Variants in MAGEC3 observed in about 807,000 individuals in gnomAD.
MAGEC3 encodes the protein MAGE family member C3, also known as melanoma-associated antigen C3.
MAGEC3 carries 34 observed loss-of-function variants against 35.3 expected under a neutral mutation model. The ratio of observed to expected loss-of-function variants is 0.96; its 90% CI spans 0.73 to 1.28. The LOEUF is 1.28. Ranked by LOEUF, MAGEC3 falls within the 50% of genes most tolerant of loss-of-function variation. The pLI is 0.00. For missense variants in MAGEC3, 561 were observed against 483.6 expected, an observed-to-expected ratio of 1.16 and a Z score of -1.50; for synonymous variants, 202 against 185.6, an observed-to-expected ratio of 1.09 and a Z score of -0.72.
intron 4 of MAGEC3, among the ~76,000 whole-genome samples, chrX:141,891,062 A>G (rs906922975): frequency 8.9e-6 from 1 of 111,860 alleles, no homozygotes; most frequent in African/African-American, 3.3e-5. Context: ...CAAGATGTTG[A>G]CTGGTTTGAA....
At position 141,859,123 on chromosome X, in the gene MAGEC3, A is replaced by G. The variant is rs766594118; in HGVS notation, c.124-6348A>G. ...CTTCCAAGACATCCTCGGGAACCCT[A>G]GAGCATTTTGTACCTATGAGACAGA... On this transcript the variant is annotated intron_variant, in intron 1 of 7. Transcript: ENST00000298296. 1.6e-4 allele frequency among the ~76,000 whole-genome samples: 17 copies of G among 108,370 alleles called. No homozygotes were observed. In the East Asian group the frequency reaches 5.0e-3, roughly 32 times the overall value. 94.1% of individuals were successfully genotyped at this position (108,370 alleles called of 115,157 possible).
chrX:141,896,787 C>T, intron 6 of MAGEC3, 95 bp from the exon 7 acceptor site: 1 of 1,208,610 alleles, frequency 8.3e-7, no homozygotes, highest in African/African-American at 1.7e-5. Flanking sequence ...CTTCCTCTTC[C>T]TCTTTCCACT....
chrX:141,865,402 G>A, intron 1 of MAGEC3, 69 bp from the exon 2 acceptor site: 2 of 1,057,555 alleles, frequency 1.9e-6, no homozygotes, highest in Non-Finnish European at 2.5e-6. Context: ...AAGAAGAATA[G>A]AGTAGATCTT....
chrX:141,865,576 A>G lies in MAGEC3; in HGVS notation c.229A>G (p.Ser77Gly), dbSNP rs1270480594. 1.7e-6 allele frequency: 2 copies of G among 1,205,804 alleles called. No individual in the cohort carries two copies. Among genetic ancestry groups the G allele is most frequent in the Non-Finnish European group, 2.2e-6 (2 of 893,266 alleles). The change falls in exon 2 of 8, where the codon AGT (serine) becomes GGT (glycine). Residue 77 changes from serine to glycine, a missense_variant. Physicochemically the swap from Ser to Gly is moderately conservative, Grantham distance 56. Transcript: ENST00000298296. ...RGGTSDQRMD[S>G]LVLCPTYFKL... ...TGGAACTTCAGATCAGCGAATGGAT[A>G]GTCTTGTCCTCTGCCCCACATACTT...
chrX:141,873,214 G>A (rs2124108516), intron 2 of MAGEC3, among the ~76,000 whole-genome samples: 1 of 111,279 alleles, frequency 9.0e-6, no homozygotes, highest in Admixed American at 9.5e-5. Flanking sequence ...GTGTTTCTTT[G>A]TTGTGCTTAT....
At chrX:141,890,895 G>A (rs756504779) in intron 4 of MAGEC3, among the ~76,000 whole-genome samples, 10 of 111,820 alleles carry the variant, frequency 8.9e-5, no homozygotes, top group African/African-American at 3.2e-4. Flanking sequence ...TTGTGATGTG[G>A]AACTGCAAGG....
chrX:141,853,150 G>A (rs2017761094), intron 1 of MAGEC3, among the ~76,000 whole-genome samples: 1 of 111,074 alleles, frequency 9.0e-6, no homozygotes, highest in Non-Finnish European at 1.9e-5. Flanking sequence ...TGTGGTATGT[G>A]GTATGCTGAC....
chrX:141,892,010 C>A (rs972940486), intron 4 of MAGEC3, among the ~76,000 whole-genome samples: 1 of 110,327 alleles, frequency 9.1e-6, no homozygotes, highest in African/African-American at 3.3e-5. Flanking sequence ...ATGATAATGT[C>A]AGCATACTTG....
At chrX:141,890,640 G>T (rs1483569441) in intron 4 of MAGEC3, among the ~76,000 whole-genome samples, 1 of 112,127 alleles carries the variant, frequency 8.9e-6, no homozygotes, top group African/African-American at 3.2e-5. Flanking sequence ...TCACCTAGTA[G>T]GTGCAAGAAA....
chrX:141,858,085 G>T (rs2206048), intron 1 of MAGEC3, among the ~76,000 whole-genome samples: 39,112 of 109,251 alleles, frequency 0.36, 5,417 homozygotes, highest in Non-Finnish European at 0.44. Context: ...CTTTATATAA[G>T]TTATAACTTT....
chrX:141,838,541 T>A, intron 1 of MAGEC3, 103 bp downstream of exon 1: 2 of 1,100,823 alleles, frequency 1.8e-6, no homozygotes, highest in South Asian at 5.1e-5. Context: ...CAGTGTGCAG[T>A]CTGTTGGGGG....
chrX:141,851,287 T>A (rs2017749438), intron 1 of MAGEC3, among the ~76,000 whole-genome samples: 2 of 110,192 alleles, frequency 1.8e-5, no homozygotes, highest in Non-Finnish European at 3.8e-5. Context: ...ATGAAAATGA[T>A]TGTCTTTAGA....
Position 141,838,891 on chromosome X carries a change from C to T in MAGEC3, c.123+453C>T, listed in dbSNP as rs192635788. ...AGCCCTGGGCTACTGGGCTCCAGGA[C>T]AGTGCTCAGTCTGTTGAGGGCAGGG... is the stretch of plus-strand genomic sequence containing the variant. On this transcript the variant is annotated intron_variant, in intron 1 of 7. Transcript: ENST00000298296. 266 of 739,990 alleles carry T rather than the reference C, an allele frequency of 3.6e-4. 2 individuals carry two copies. The African/African-American group carries it at 5.8e-3, about 16-fold the overall frequency. The allele number at this position is 739,990 out of a possible 1,213,427, so 61.0% of individuals were successfully genotyped here.
chrX:141,891,323 C>T lies in MAGEC3; in HGVS notation c.910-3946C>T, dbSNP rs779921809. On this transcript the variant is annotated intron_variant, in intron 4 of 7. Transcript: ENST00000298296. The stretch of plus-strand genomic sequence containing the variant: ...GTATAATTCGGCCCATAACACCCTG[C>T]CAACTAAAATCAGAATTTCTATGCA... Among the ~76,000 whole-genome samples the T allele has an allele frequency of 8.1e-5, 9 of 111,470 alleles. No individual in the cohort carries two copies. The South Asian group carries it at 2.6e-3, about 33-fold the overall frequency.
intron 4 of MAGEC3, among the ~76,000 whole-genome samples, chrX:141,892,180 G>A (rs946338039): frequency 4.5e-5 from 5 of 111,508 alleles, no homozygotes; most frequent in Admixed American, 1.9e-4. Context: ...CATCCAGGCT[G>A]TGGTACATTG....
rs2018107849 is a variant in MAGEC3 at position 141,897,249 on chromosome X, C to A, written c.1491C>A (p.Ile497=). The change falls in exon 7 of 8, where the codon ATC becomes ATA. Residue 497 remains isoleucine (I), a synonymous_variant. Coordinates refer to ENST00000298296, the MANE Select transcript of MAGEC3 (RefSeq NM_138702.1). The part of the protein sequence containing the change: ...IKKYKDYFPM[I]FGKAHEFIEL... ...AGTATAAGGACTATTTTCCCATGAT[C>A]TTCGGGAAAGCCCATGAGTTCATAG... The A allele has an allele frequency of 8.3e-7, 1 of 1,210,395 alleles. No homozygotes were observed. The highest frequency in any genetic ancestry group is 1.7e-5 in the African/African-American group (1 of 57,292).
chrX:141,897,598 C>G (rs1340526019), intron 7 of MAGEC3, 31 bp from the exon 8 acceptor site: 1 of 1,200,481 alleles, frequency 8.3e-7, no homozygotes, highest in Non-Finnish European at 1.1e-6. Flanking sequence ...CAGTGCTCCT[C>G]CACGTTATGA....
chrX:141,879,522 G>A (rs1215992419), intron 3 of MAGEC3, 91 bp downstream of exon 3: 7 of 1,039,650 alleles, frequency 6.7e-6, no homozygotes, highest in Admixed American at 6.4e-5. Flanking sequence ...GGAAAGGGTC[G>A]GGGAGGTAGG....
intron 3 of MAGEC3, 114 bp downstream of exon 3, chrX:141,879,545 G>GAA: frequency 1.1e-6 from 1 of 933,180 alleles, no homozygotes; most frequent in East Asian, 3.4e-5. Context: ...GGAAGGGGTG[G>GAA]AGGGGGCCCA....
Sources: gnomAD v4.1 joint callset for allele counts (sites outside exome capture counted in the v4.1 genomes callset) on GRCh38, gnomAD v4.1.1 for gene constraint, MANE v1.5 for transcripts, NCBI Gene and HGNC (gene_info 2026-07-23, HGNC 2026-07-21) for gene names.